Variants in MKLN1 observed in about 807,000 individuals in gnomAD.
MKLN1 encodes the protein muskelin.
Under a neutral mutation model 99.0 loss-of-function variants are expected in MKLN1, and 18 were observed. The observed-to-expected ratio is 0.18, with a 90% CI of 0.13 to 0.27. The LOEUF (loss-of-function observed/expected upper bound fraction) is 0.27. Among genes scored for constraint, MKLN1 ranks in the 10% least tolerant of loss-of-function variants. MKLN1 has a pLI of 1.00. For missense variants in MKLN1, 621 were observed against 875.9 expected (o/e 0.71, Z 3.67); for synonymous variants, 288 against 293.2 (o/e 0.98, Z 0.18).
In MKLN1 at chr7:131,494,161, A is replaced by G. The variant is rs1797491713; in HGVS notation, c.*6433A>G. 6.6e-6 allele frequency: 1 copy of G among 152,146 alleles called. No individual in the cohort carries two copies. Among genetic ancestry groups the G allele is most frequent in the African/African-American group, 2.4e-5 (1 of 41,442 alleles). The allele number at this position is 152,146 out of a possible 1,614,324, so 9.4% of individuals were successfully genotyped here. On this transcript the variant is annotated 3_prime_UTR_variant, in exon 18 of 18. Transcript: ENST00000352689. ...CTTAAATTAATTATATGTCATCCCA[A>G]GGGTCTCTGTTAATTCTGCTTTGCC...
chr7:131,171,678 G>A (rs764148127), intron 2 of MKLN1, among the ~76,000 whole-genome samples: 4 of 151,988 alleles, frequency 2.6e-5, no homozygotes, highest in Non-Finnish European at 4.4e-5. Context: ...GGCTGATCTC[G>A]AACTCCTGAC....
At chr7:131,189,899 G>T (rs1796509272) in intron 2 of MKLN1, among the ~76,000 whole-genome samples, 1 of 121,326 alleles carries the variant, frequency 8.2e-6, no homozygotes, top group African/African-American at 2.9e-5. Flanking sequence ...TTATAGGAGG[G>T]CTGGGGGCAA....
chr7:131,350,226 C>CTT (rs757358062), intron 1 of MKLN1, among the ~76,000 whole-genome samples: 5 of 140,312 alleles, frequency 3.6e-5, no homozygotes, highest in Non-Finnish European at 6.3e-5. Context: ...TATTTAAAAT[C>CTT]TTTTTTTTTT....
At chr7:131,168,426 C>T (rs1796167165) in intron 2 of MKLN1, among the ~76,000 whole-genome samples, 1 of 152,104 alleles carries the variant, frequency 6.6e-6, no homozygotes, top group African/African-American at 2.4e-5. Context: ...ACAACTTGCC[C>T]CCATGCACCT....
chr7:131,146,466 G>T (rs1256699520), intron 2 of MKLN1, among the ~76,000 whole-genome samples: 1 of 152,176 alleles, frequency 6.6e-6, no homozygotes, highest in Non-Finnish European at 1.5e-5. Context: ...ATCTCAAAGG[G>T]TGGATGATTC....
At chr7:131,303,407 C>T (rs1178541424) in intron 3 of MKLN1, among the ~76,000 whole-genome samples, 2 of 152,252 alleles carry the variant, frequency 1.3e-5, no homozygotes, top group Non-Finnish European at 2.9e-5. Context: ...AAATTACTTT[C>T]TCCTGGAAAA....
chr7:131,148,550 G>A (rs552501214), intron 2 of MKLN1, among the ~76,000 whole-genome samples: 2 of 152,246 alleles, frequency 1.3e-5, no homozygotes, highest in East Asian at 1.9e-4. Context: ...CAAGGTGGGA[G>A]GATCACTTGA....
intron 1 of MKLN1, among the ~76,000 whole-genome samples, chr7:131,373,282 A>G (rs1015720893): frequency 4.6e-5 from 7 of 151,972 alleles, no homozygotes; most frequent in African/African-American, 1.4e-4. Context: ...TTAATCTCCA[A>G]TTTTTGAATA....
chr7:131,307,445 C>G (rs903578058), intron 3 of MKLN1, among the ~76,000 whole-genome samples: 41 of 152,116 alleles, frequency 2.7e-4, no homozygotes, highest in African/African-American at 9.7e-4. Flanking sequence ...AGAGGTTGTA[C>G]TGTGCACCTG....
chr7:131,128,784 G>A (rs904986357), intron 1 of MKLN1, among the ~76,000 whole-genome samples: 3 of 147,150 alleles, frequency 2.0e-5, no homozygotes, highest in African/African-American at 7.4e-5. Flanking sequence ...TTTTTTTTTA[G>A]AGATGGGGCG....
intron 3 of MKLN1, among the ~76,000 whole-genome samples, chr7:131,211,654 G>A (rs1796908545): frequency 6.6e-6 from 1 of 151,458 alleles, no homozygotes; most frequent in African/African-American, 2.4e-5. Context: ...AGTCCCCAGA[G>A]GAACACTATG....
chr7:131,398,508 A>G (rs1409303576), intron 5 of MKLN1, among the ~76,000 whole-genome samples: 1 of 152,166 alleles, frequency 6.6e-6, no homozygotes, highest in East Asian at 1.9e-4. Context: ...ATCCTGACCA[A>G]CATGGTGAAA....
At chr7:131,423,205 A>G (rs993468935) in intron 8 of MKLN1, among the ~76,000 whole-genome samples, 5 of 152,220 alleles carry the variant, frequency 3.3e-5, no homozygotes, top group African/African-American at 9.6e-5. Context: ...GCAAAGCTCT[A>G]ATATTTGGTA....
chr7:131,462,158 G>T (rs1289512125), intron 12 of MKLN1, among the ~76,000 whole-genome samples: 3 of 151,952 alleles, frequency 2.0e-5, no homozygotes, highest in Non-Finnish European at 4.4e-5. Context: ...CAGCCTCCCA[G>T]ATAGCTAGAA....
At chr7:131,365,607 G>C (rs1337372674) in intron 1 of MKLN1, among the ~76,000 whole-genome samples, 1 of 152,058 alleles carries the variant, frequency 6.6e-6, no homozygotes, top group East Asian at 1.9e-4. Context: ...TCTATCTCGA[G>C]TTGATTTTTG....
chr7:131,140,076 C>T (rs1795708728), intron 1 of MKLN1, among the ~76,000 whole-genome samples: 1 of 152,200 alleles, frequency 6.6e-6, no homozygotes, highest in Non-Finnish European at 1.5e-5. Context: ...TCCATTGGTT[C>T]CATTTACTCT....
chr7:131,119,500 G>A (rs1357321903), intron 1 of MKLN1, among the ~76,000 whole-genome samples: 1 of 152,216 alleles, frequency 6.6e-6, no homozygotes, highest in Non-Finnish European at 1.5e-5. Flanking sequence ...CCATTAGTCA[G>A]TGCTCTAGTG....
intron 3 of MKLN1, among the ~76,000 whole-genome samples, chr7:131,267,684 C>T (rs1333133240): frequency 2.0e-5 from 3 of 152,072 alleles, no homozygotes; most frequent in African/African-American, 7.2e-5. Context: ...TGAATTTATC[C>T]CTTATTATTT....
At chr7:131,455,362 C>T (rs892858772) in intron 12 of MKLN1, among the ~76,000 whole-genome samples, 8 of 152,078 alleles carry the variant, frequency 5.3e-5, no homozygotes, top group African/African-American at 1.4e-4. Flanking sequence ...GTGATTCAGA[C>T]ATATAGATAA....
Sources: allele counts gnomAD v4.1 joint callset (sites outside exome capture counted in the v4.1 genomes callset), GRCh38; gene constraint gnomAD v4.1.1; transcripts MANE v1.5; gene names NCBI Gene and HGNC (gene_info 2026-07-23, HGNC 2026-07-21).